Variants in TMEM87A observed in about 807,000 individuals in gnomAD.
TMEM87A encodes the protein transmembrane protein 87A.
In TMEM87A, 50 loss-of-function variants were observed where a neutral mutation model predicts 90.0. The observed-to-expected ratio is 0.56, with a 90% CI of 0.44 to 0.70. The LOEUF (loss-of-function observed/expected upper bound fraction) is 0.70, where lower values mean the gene tolerates loss of function less well. Ranked by LOEUF, TMEM87A falls within the 30% of genes least tolerant of loss-of-function variation. TMEM87A has a pLI of 0.00. For synonymous variants in TMEM87A, 226 were observed against 226.7 expected (o/e 1.00, Z 0.03); for missense variants, 577 against 660.5 (o/e 0.87, Z 1.39).
At chr15:42,216,774 G>A (rs1449442888) in intron 19 of TMEM87A, among the ~76,000 whole-genome samples, 1 of 151,838 alleles carries the variant, frequency 6.6e-6, no homozygotes, top group African/African-American at 2.4e-5. Flanking sequence ...ATGTCAGTGG[G>A]AAATGAACAA....
intron 3 of TMEM87A, 141 bp downstream of exon 3, chr15:42,267,806 T>C: frequency 1.9e-6 from 1 of 532,400 alleles, no homozygotes; most frequent in East Asian, 3.3e-5. Context: ...GAATTGGTGG[T>C]CTGCAAATTG....
rs1285996162 is a variant in TMEM87A, at chr15:42,214,776, T to C, written c.1626+3027A>G. ...AGAAGACAACCTAAGTTTCTTGAAA[T>C]TGGTCTTAGCAGTGATTTCTTGTCT... On this transcript the variant is annotated intron_variant, in intron 19 of 19. Coordinates refer to ENST00000389834, the MANE Select transcript of TMEM87A (RefSeq NM_015497.5). Among the ~76,000 whole-genome samples the C allele has an allele frequency of 3.3e-5, 5 of 152,208 alleles. No individual in the cohort carries two copies. In the East Asian group the frequency reaches 9.6e-4, roughly 29 times the overall value.
Position 42,264,936 on chromosome 15 carries a change from T to C in TMEM87A, c.292-733A>G, listed in dbSNP as rs538140246. On this transcript the variant is annotated intron_variant, in intron 3 of 19. Transcript: ENST00000389834. ...GTTCTCATCATTCAGCTCCCACTTA[T>C]AAGTGAAAACGTGGTATTTCGCTTT... Among the ~76,000 whole-genome samples the C allele has an allele frequency of 2.6e-5, 4 of 152,224 alleles. No individual in the cohort carries two copies. The East Asian group carries it at 7.7e-4, about 29-fold the overall frequency.
At chr15:42,235,251 C>A (rs777996984) in intron 10 of TMEM87A, among the ~76,000 whole-genome samples, 11 of 152,224 alleles carry the variant, frequency 7.2e-5, no homozygotes, top group Non-Finnish European at 1.3e-4. Context: ...GTTGTCCAGG[C>A]TGGTCTTGAA....
chr15:42,273,567 T>A, upstream of TMEM87A: 3 of 1,246,276 alleles, frequency 2.4e-6, no homozygotes, highest in Non-Finnish European at 3.3e-6. Context: ...CTGTGCGCCG[T>A]GAGACTTTGG....
intron 6 of TMEM87A, among the ~76,000 whole-genome samples, chr15:42,253,444 G>A (rs1056765683): frequency 6.6e-6 from 1 of 152,082 alleles, no homozygotes; most frequent in Non-Finnish European, 1.5e-5. Flanking sequence ...GCATTCAAAT[G>A]CTTTTGGCAA....
intron 19 of TMEM87A, among the ~76,000 whole-genome samples, chr15:42,214,242 A>C (rs1454932046): frequency 2.6e-5 from 4 of 152,184 alleles, no homozygotes; most frequent in Non-Finnish European, 5.9e-5. Flanking sequence ...CCTACCAGGT[A>C]CTTAAAGACA....
chr15:42,226,726 A>C, intron 15 of TMEM87A, 80 bp downstream of exon 15: 7 of 1,223,782 alleles, frequency 5.7e-6, no homozygotes, highest in Non-Finnish European at 8.4e-6. Flanking sequence ...CACAGCCCTG[A>C]TACTGTCCCC....
In TMEM87A at chr15:42,261,388, A is replaced by G. The variant is rs2051287993; in HGVS notation, c.406-139T>C. The G allele has an allele frequency of 6.4e-6, 4 of 626,780 alleles. No individual in the cohort carries two copies. In the South Asian group the frequency reaches 1.2e-4, roughly 19 times the overall value. 38.8% of individuals were successfully genotyped at this position (626,780 alleles called of 1,614,324 possible). On this transcript the variant is annotated intron_variant, in intron 4 of 19. Coordinates refer to ENST00000389834, the MANE Select transcript of TMEM87A (RefSeq NM_015497.5). Reference sequence around the variant, plus strand: ...ATAATAACACAGCATCAGTAGACAAAACATTTCCAATTAACCACAAACAAG... The same window carrying G: ...ATAATAACACAGCATCAGTAGACAAGACATTTCCAATTAACCACAAACAAG...
chr15:42,218,523 T>G (rs1003588808), intron 17 of TMEM87A, 145 bp from the exon 18 acceptor site: 10 of 700,154 alleles, frequency 1.4e-5, no homozygotes, highest in East Asian at 2.9e-5. Flanking sequence ...GTCAAATATT[T>G]TAATTTTTAA....
chr15:42,217,882 A>G (rs1424887371), intron 18 of TMEM87A, 49 bp from the exon 19 acceptor site: 35 of 1,574,460 alleles, frequency 2.2e-5, no homozygotes, highest in Non-Finnish European at 2.9e-5. Flanking sequence ...ATAAAGCCAT[A>G]AATGGTTCAT....
intron 10 of TMEM87A, among the ~76,000 whole-genome samples, chr15:42,233,851 C>G (rs993632552): frequency 3.3e-5 from 5 of 152,058 alleles, no homozygotes; most frequent in African/African-American, 1.2e-4. Flanking sequence ...GTCACTGGAG[C>G]CGTGAACTCC....
chr15:42,260,544 G>C (rs1416334757), intron 6 of TMEM87A, among the ~76,000 whole-genome samples: 1 of 152,140 alleles, frequency 6.6e-6, no homozygotes, highest in Non-Finnish European at 1.5e-5. Flanking sequence ...TTATGAATTT[G>C]AAAATAGTAT....
chr15:42,248,813 A>C (rs978009047), intron 6 of TMEM87A, among the ~76,000 whole-genome samples: 1 of 152,178 alleles, frequency 6.6e-6, no homozygotes, highest in Non-Finnish European at 1.5e-5. Flanking sequence ...TGAGTTAGGG[A>C]GGATTCCCTC....
In TMEM87A at chr15:42,210,895, T is replaced by C. The variant is rs1003978920; in HGVS notation, c.*813A>G. 3.3e-5 allele frequency: 5 copies of C among 152,656 alleles called. No homozygotes were observed. The highest frequency in any genetic ancestry group is 4.4e-5 in the Non-Finnish European group (3 of 68,040). 9.5% of individuals were successfully genotyped at this position (152,656 alleles called of 1,614,324 possible). A position where few individuals can be genotyped will look rare whatever the true frequency, so the allele number is the denominator to read the frequency against. On this transcript the variant is annotated 3_prime_UTR_variant, in exon 20 of 20. Transcript: ENST00000389834. ...TCTCTGCATAAAGGCAAACAAAACA[T>C]TGCCTAAGGACCCTGCAATGCCACC...
chr15:42,233,340 A>G (rs2050718331), intron 10 of TMEM87A, 34 bp from the exon 11 acceptor site: 2 of 1,530,158 alleles, frequency 1.3e-6, no homozygotes, highest in Non-Finnish European at 1.8e-6. Flanking sequence ...TTGAGTACAT[A>G]TGGGACAAAT....
Position 42,262,585 on chromosome 15 carries a change from G to A in TMEM87A, c.406-1336C>T, listed in dbSNP as rs151078125. Among the ~76,000 whole-genome samples, 978 of 151,856 alleles carry A rather than the reference G, an allele frequency of 6.4e-3. 8 individuals are homozygous for A. Among genetic ancestry groups the A allele is most frequent in the African/African-American group, 0.021 (870 of 41,420 alleles). On this transcript the variant is annotated intron_variant, in intron 4 of 19. Transcript: ENST00000389834. ...ATTACAGGTACCCGCCACCATGCCC[G>A]GCTAATTTTTTTGTAGAGACAGGGT...
intron 7 of TMEM87A, among the ~76,000 whole-genome samples, chr15:42,243,051 G>A (rs1407337667): frequency 1.3e-5 from 2 of 152,048 alleles, no homozygotes; most frequent in Admixed American, 6.6e-5. Flanking sequence ...CGGATCACAA[G>A]GTCAGGAGAT....
chr15:42,240,846 A>T (rs2050854687), intron 7 of TMEM87A, among the ~76,000 whole-genome samples: 1 of 152,238 alleles, frequency 6.6e-6, no homozygotes, highest in African/African-American at 2.4e-5. Context: ...TAAAAATTTC[A>T]GAGCAGAACT....
Sources: allele counts gnomAD v4.1 joint callset (sites outside exome capture counted in the v4.1 genomes callset), GRCh38; gene constraint gnomAD v4.1.1; transcripts MANE v1.5; gene names NCBI Gene and HGNC (gene_info 2026-07-23, HGNC 2026-07-21).